FSTL5: variants seen among roughly 807,000 people sequenced by gnomAD.
The protein encoded by FSTL5 is follistatin like 5, also known as follistatin-related protein 5.
FSTL5 carries 62 observed loss-of-function variants against 89.1 expected under a neutral mutation model. That is an observed-to-expected ratio of 0.70 (90% CI 0.57 to 0.86). The LOEUF (loss-of-function observed/expected upper bound fraction) is 0.86. FSTL5 is among the 40% of genes least tolerant of loss of function. The probability of loss-of-function intolerance (pLI) is 0.00; values close to 1 mark genes in which losing one functional copy is unlikely to be tolerated. For missense variants in FSTL5, 1,057 were observed against 1,001.6 expected, an observed-to-expected ratio of 1.06 and a Z score of -0.75; for synonymous variants, 383 against 346.2, an observed-to-expected ratio of 1.11 and a Z score of -1.18.
chr4:161,496,001 T>C (rs1449248211), intron 12 of FSTL5, among the ~76,000 whole-genome samples: 1 of 152,138 alleles, frequency 6.6e-6, no homozygotes, highest in East Asian at 1.9e-4. Flanking sequence ...AACAATTCAA[T>C]AATAAATTAC....
chr4:161,444,088 T>C (rs1462206507), intron 15 of FSTL5, among the ~76,000 whole-genome samples: 2 of 151,962 alleles, frequency 1.3e-5, no homozygotes, highest in Non-Finnish European at 2.9e-5. Flanking sequence ...AGATATAACA[T>C]AGAAAGAGGA....
chr4:161,602,246 G>T (rs202111916), intron 7 of FSTL5, among the ~76,000 whole-genome samples: 1 of 87,428 alleles, frequency 1.1e-5, no homozygotes, highest in African/African-American at 5.4e-5. Context: ...TGAGAGAGAG[G>T]GAGAGAAAGA....
chr4:161,888,135 T>C (rs1732873455), intron 4 of FSTL5, among the ~76,000 whole-genome samples: 1 of 152,124 alleles, frequency 6.6e-6, no homozygotes, highest in African/African-American at 2.4e-5. Context: ...CCCAAACCCA[T>C]TTCTTTTCCT....
Position 161,726,136 on chromosome 4 carries a change from C to T in FSTL5, c.727+33275G>A, listed in dbSNP as rs555148274. On this transcript the variant is annotated intron_variant, in intron 6 of 15. Transcript: ENST00000306100. The stretch of plus-strand genomic sequence containing the variant: ...TCCTGCTTCTACAATGAATTCAAAA[C>T]AAAAAACTATATTATAACATGAAAC... Among the ~76,000 whole-genome samples, 36 of 150,716 alleles carry T rather than the reference C, an allele frequency of 2.4e-4. No individual in the cohort carries two copies. The South Asian group carries it at 6.1e-3, about 25-fold the overall frequency.
chr4:161,809,006 C>G (rs1730058568), intron 4 of FSTL5, among the ~76,000 whole-genome samples: 1 of 152,132 alleles, frequency 6.6e-6, no homozygotes, highest in Non-Finnish European at 1.5e-5. Flanking sequence ...ATCACGAGGT[C>G]AGAAGATCGA....
rs543558696 is a variant in FSTL5, at chr4:161,723,352, A to T, written c.727+36059T>A. Among the ~76,000 whole-genome samples the T allele has an allele frequency of 5.3e-5, 8 of 151,872 alleles. No homozygotes were observed. In the South Asian group the frequency reaches 8.3e-4, roughly 16 times the overall value. On this transcript the variant is annotated intron_variant, in intron 6 of 15. Transcript: ENST00000306100. ...TGTATTACCCTTGGTTAAAAAAATT[A>T]AAAAAAAATCAGTGGACAACTTAGG...
At chr4:161,817,706 T>C (rs1209805213) in intron 4 of FSTL5, among the ~76,000 whole-genome samples, 1 of 152,186 alleles carries the variant, frequency 6.6e-6, no homozygotes, top group East Asian at 1.9e-4. Context: ...TATTTTGAAG[T>C]CATGTACATG....
chr4:161,955,021 G>T (rs973653198), intron 3 of FSTL5, among the ~76,000 whole-genome samples: 9 of 145,134 alleles, frequency 6.2e-5, no homozygotes, highest in Non-Finnish European at 1.2e-4. Flanking sequence ...ACTGAGAAAT[G>T]CAAACATTTA....
intron 3 of FSTL5, among the ~76,000 whole-genome samples, chr4:161,929,660 C>CGTGTGT (rs765281533): frequency 0.14 from 18,091 of 126,496 alleles, 1,443 homozygotes; most frequent in Admixed American, 0.21. Flanking sequence ...TAGGTAGGCA[C>CGTGTGT]GTGTGTGTGT....
intron 6 of FSTL5, among the ~76,000 whole-genome samples, chr4:161,685,205 T>C (rs1182843718): frequency 6.6e-6 from 1 of 152,196 alleles, no homozygotes; most frequent in East Asian, 1.9e-4. Context: ...ATGTTCTTTT[T>C]GTTTAGTCTT....
chr4:161,441,720 G>A (rs1231633789), intron 15 of FSTL5, among the ~76,000 whole-genome samples: 1 of 152,016 alleles, frequency 6.6e-6, no homozygotes, highest in African/African-American at 2.4e-5. Flanking sequence ...ATTACTCCCA[G>A]GGTTCAAGGT....
intron 6 of FSTL5, among the ~76,000 whole-genome samples, chr4:161,702,070 C>A (rs34971441): frequency 0.53 from 80,220 of 151,856 alleles, 24,871 homozygotes; most frequent in East Asian, 0.69. Context: ...ACATGGGTAC[C>A]ATTAATGGGA....
chr4:161,769,753 T>C (rs1055686063), intron 5 of FSTL5, among the ~76,000 whole-genome samples: 103 of 152,016 alleles, frequency 6.8e-4, no homozygotes, highest in African/African-American at 2.2e-3. Context: ...ATCTAGAACA[T>C]GACAAGGATG....
intron 15 of FSTL5, among the ~76,000 whole-genome samples, chr4:161,451,038 C>T: frequency 6.6e-6 from 1 of 152,084 alleles, no homozygotes; most frequent in East Asian, 1.9e-4. Context: ...GCCACTGAGC[C>T]CGGCCCATTC....
chr4:161,774,409 C>T (rs1741322595), intron 5 of FSTL5, among the ~76,000 whole-genome samples: 1 of 152,096 alleles, frequency 6.6e-6, no homozygotes. Context: ...TTTAGCCACA[C>T]AGTTTGTGGT....
chr4:162,077,398 C>G (rs1729895589), intron 2 of FSTL5, among the ~76,000 whole-genome samples: 1 of 151,814 alleles, frequency 6.6e-6, no homozygotes, highest in African/African-American at 2.4e-5. Flanking sequence ...ACATGCAAAC[C>G]ATAGTAATAT....
Position 161,697,014 on chromosome 4 carries a change from C to T in FSTL5, c.728-40520G>A, listed in dbSNP as rs1404619877. Among the ~76,000 whole-genome samples, 8 of 152,098 alleles carry T rather than the reference C, an allele frequency of 5.3e-5. No homozygotes were observed. The South Asian group carries it at 8.3e-4, about 16-fold the overall frequency. Reference sequence around the variant, plus strand: ...GAAGAGGAGTGGTGGGAGTGGATATCCTAAATTCTTTCTTACAAATGCTGC... The same window carrying T: ...GAAGAGGAGTGGTGGGAGTGGATATTCTAAATTCTTTCTTACAAATGCTGC... On this transcript the variant is annotated intron_variant, in intron 6 of 15. Transcript: ENST00000306100.
chr4:161,916,573 A>C (rs1311725063), intron 4 of FSTL5, among the ~76,000 whole-genome samples: 1 of 152,218 alleles, frequency 6.6e-6, no homozygotes, highest in Non-Finnish European at 1.5e-5. Context: ...TGACGCCAAT[A>C]AACAAATGCT....
chr4:161,675,111 C>G (rs1373249703), intron 6 of FSTL5, among the ~76,000 whole-genome samples: 1 of 152,048 alleles, frequency 6.6e-6, no homozygotes, highest in African/African-American at 2.4e-5. Context: ...ATAGGTATGA[C>G]TCTAATAGGA....
Sources: gnomAD v4.1 joint callset for allele counts (sites outside exome capture counted in the v4.1 genomes callset) on GRCh38, gnomAD v4.1.1 for gene constraint, MANE v1.5 for transcripts, NCBI Gene and HGNC (gene_info 2026-07-23, HGNC 2026-07-21) for gene names.